Variants in ZFC3H1 observed in about 807,000 individuals in gnomAD.
The protein encoded by ZFC3H1 is zinc finger C3H1 domain-containing protein.
Under a neutral mutation model 243.7 loss-of-function variants are expected in ZFC3H1, and 71 were observed. The observed-to-expected ratio is 0.29, with a 90% CI of 0.24 to 0.36. The LOEUF (loss-of-function observed/expected upper bound fraction) is 0.36, where lower values mean the gene tolerates loss of function less well. Ranked by LOEUF, ZFC3H1 falls within the 10% of genes least tolerant of loss-of-function variation. The pLI is 1.00. For synonymous variants in ZFC3H1, 838 were observed against 813.0 expected (o/e 1.03, Z -0.52); for missense variants, 1,966 against 2,317.1 (o/e 0.85, Z 3.11).
chr12:71,631,754 G>A lies in ZFC3H1; in HGVS notation c.3470+24C>T, dbSNP rs765420224. On this transcript the variant is annotated intron_variant, in intron 16 of 34. Transcript: ENST00000378743. ...ACCAAACAGAAATCCTGAAATTCAA[G>A]CTTATTGAATCTTTCTTTTATACCT... is the stretch of plus-strand genomic sequence containing the variant. The A allele has an allele frequency of 7.8e-6, 12 of 1,528,854 alleles. No individual in the cohort carries two copies. The Admixed American group carries it at 2.4e-4, about 31-fold the overall frequency. The allele number at this position is 1,528,854 out of a possible 1,614,324, so 94.7% of individuals were successfully genotyped here. A position where few individuals can be genotyped will look rare whatever the true frequency, so the allele number is the denominator to read the frequency against.
rs749000095 is a variant in ZFC3H1 at position 71,619,912 on chromosome 12, T to C, written c.5049+14A>G. On this transcript the variant is annotated intron_variant, in intron 26 of 34. Transcript: ENST00000378743. Reference sequence around the variant, plus strand: ...ATAAAAGCATCATATTTAAGAATTATGCATCATTTTTACCTGTAAGATGAA... The same window carrying C: ...ATAAAAGCATCATATTTAAGAATTACGCATCATTTTTACCTGTAAGATGAA... 4 of 1,569,846 alleles carry C rather than the reference T, an allele frequency of 2.5e-6. No homozygotes were observed. Among genetic ancestry groups the C allele is most frequent in the East Asian group, 4.5e-5 (2 of 44,276 alleles).
At chr12:71,661,190 C>A (rs7298678) in intron 1 of ZFC3H1, among the ~76,000 whole-genome samples, 56,777 of 151,264 alleles carry the variant, frequency 0.38, 13,867 homozygotes, top group East Asian at 0.82. Flanking sequence ...GTAGTCCCAG[C>A]TACTCGGGAG....
chr12:71,663,181 A>C lies in ZFC3H1; in HGVS notation c.430T>G (p.Phe144Val). ...WERSHLALDR[F>V]RFRGRPYRGG... ...CGGTAAGGCCTGCCTCGAAAGCGGAAACGGTCCAAGGCGAGGTGGCTCCGC... is the reference window on the plus strand; with the variant it reads ...CGGTAAGGCCTGCCTCGAAAGCGGACACGGTCCAAGGCGAGGTGGCTCCGC... The change falls in exon 1 of 35, where the codon TTC (phenylalanine) becomes GTC (valine). Residue 144 changes from phenylalanine (F) to valine (V), a missense_variant. Transcript: ENST00000378743. The C allele has an allele frequency of 1.2e-6, 2 of 1,614,082 alleles. No individual in the cohort carries two copies. Among genetic ancestry groups the C allele is most frequent in the Non-Finnish European group, 1.7e-6 (2 of 1,180,018 alleles).
At chr12:71,634,921 G>A in intron 10 of ZFC3H1, 96 bp from the exon 11 acceptor site, 1 of 1,340,038 alleles carries the variant, frequency 7.5e-7, no homozygotes, top group Non-Finnish European at 9.9e-7. Context: ...AGTGTATACT[G>A]AATTTATTTA....
At chr12:71,631,711 C>A in intron 16 of ZFC3H1, 67 bp downstream of exon 16, 1 of 1,301,994 alleles carries the variant, frequency 7.7e-7, no homozygotes, top group Non-Finnish European at 1.1e-6. Flanking sequence ...ATCAAATATT[C>A]AAGATAAAAT....
chr12:71,653,695 T>C lies in ZFC3H1; in HGVS notation c.1015+3190A>G, dbSNP rs12307047. ...ATAGATGAGTTTTGAAAATCAACAATGGAAGCCAGAAAATATTGTCAGTAA... is the reference window on the plus strand; with the variant it reads ...ATAGATGAGTTTTGAAAATCAACAACGGAAGCCAGAAAATATTGTCAGTAA... On this transcript the variant is annotated intron_variant, in intron 2 of 34. Coordinates refer to ENST00000378743, the MANE Select transcript of ZFC3H1 (RefSeq NM_144982.5). Among the ~76,000 whole-genome samples the C allele has an allele frequency of 2.1e-3, 319 of 152,316 alleles. 2 individuals carry two copies. Among genetic ancestry groups the C allele is most frequent in the African/African-American group, 7.4e-3 (306 of 41,576 alleles).
At chr12:71,636,320 G>C (rs1311542129) in intron 9 of ZFC3H1, among the ~76,000 whole-genome samples, 170 bp downstream of exon 9, 1 of 152,004 alleles carries the variant, frequency 6.6e-6, no homozygotes, top group Non-Finnish European at 1.5e-5. Context: ...TGAAGGTGTT[G>C]CTCTCATTTT....
chr12:71,629,556 TACACACACACAC>T (rs35067681), intron 19 of ZFC3H1, 41 bp downstream of exon 19: 42 of 691,576 alleles, frequency 6.1e-5, no homozygotes, highest in South Asian at 1.4e-4. Context: ...AGAGATACAG[TACACACACACAC>T]ACACACACAC....
chr12:71,632,769 A>C (rs1358266804), intron 14 of ZFC3H1, 117 bp downstream of exon 14: 2 of 1,436,948 alleles, frequency 1.4e-6, no homozygotes, highest in African/African-American at 1.5e-5. Context: ...ACAAAGCTTT[A>C]ATCTTAATCT....
rs1881249089 is a variant in ZFC3H1 at position 71,663,461 on chromosome 12, T to TAAC, written c.147_149dup (p.Leu50dup). ...GAGGAGGCCTTCGCCGCGGATAGGG[T>TAAC]AACAGCCCGCCGCCGCTGCTGCTGC... On this transcript the variant is annotated inframe_insertion, in exon 1 of 35. Coordinates refer to ENST00000378743, the MANE Select transcript of ZFC3H1 (RefSeq NM_144982.5). 1.2e-6 allele frequency: 2 copies of TAAC among 1,612,480 alleles called. No individual in the cohort carries two copies. The highest frequency in any genetic ancestry group is 1.7e-6 in the Non-Finnish European group (2 of 1,180,014).
At chr12:71,613,770 C>A in intron 30 of ZFC3H1, 1 of 172,966 alleles carries the variant, frequency 5.8e-6, no homozygotes, top group Non-Finnish European at 1.2e-5. Flanking sequence ...CATGGAATGC[C>A]CGTGTGTAAA....
rs747699268 is a variant in ZFC3H1, at chr12:71,638,471, C to T, written c.1672G>A (p.Gly558Arg). Residue 558 changes from glycine to arginine, a missense_variant, in exon 7 of 35, where the codon GGG becomes AGG. Transcript: ENST00000378743. ...QPPFFSECSL[G>R]YFSPAPSLSL... ...AGAGATGGTGCTGGAGAAAAATACCCCAATGAACATTCAGAGAAAAATGGC... is the reference window on the plus strand; with the variant it reads ...AGAGATGGTGCTGGAGAAAAATACCTCAATGAACATTCAGAGAAAAATGGC... 4.3e-6 allele frequency: 7 copies of T among 1,612,390 alleles called. No homozygotes were observed. In the African/African-American group the frequency reaches 6.7e-5, roughly 15 times the overall value.
intron 19 of ZFC3H1, 90 bp from the exon 20 acceptor site, chr12:71,629,127 T>C (rs117513212): frequency 0.01 from 11,556 of 1,104,698 alleles, 80 homozygotes; most frequent in Non-Finnish European, 0.012. Flanking sequence ...TGAGAAGAAC[T>C]ACATTCACTC....
At chr12:71,626,849 A>C (rs769450669) in intron 21 of ZFC3H1, among the ~76,000 whole-genome samples, 4 of 152,224 alleles carry the variant, frequency 2.6e-5, no homozygotes, top group African/African-American at 9.6e-5. Context: ...CAAAGCTTTC[A>C]GTATAATAGT....
At chr12:71,618,186 A>G (rs1172997112) in intron 27 of ZFC3H1, among the ~76,000 whole-genome samples, 4 of 151,868 alleles carry the variant, frequency 2.6e-5, no homozygotes, top group Non-Finnish European at 5.9e-5. Context: ...AATTGCTTGA[A>G]CCTGGGAGAC....
At chr12:71,616,737 G>C (rs1879903148) in intron 27 of ZFC3H1, among the ~76,000 whole-genome samples, 1 of 152,122 alleles carries the variant, frequency 6.6e-6, no homozygotes, top group Non-Finnish European at 1.5e-5. Context: ...AAGTCTTAAT[G>C]AATTAGACGG....
intron 16 of ZFC3H1, 138 bp from the exon 17 acceptor site, chr12:71,631,092 C>G (rs953183612): frequency 4.6e-6 from 4 of 874,654 alleles, no homozygotes; most frequent in South Asian, 3.5e-5. Context: ...TAAATTAATG[C>G]CAAAATTAAT....
At chr12:71,616,435 T>TG (rs1879895904) in intron 27 of ZFC3H1, among the ~76,000 whole-genome samples, 1 of 152,222 alleles carries the variant, frequency 6.6e-6, no homozygotes, top group African/African-American at 2.4e-5. Flanking sequence ...GTAAGGTACC[T>TG]GTCAAAAGAT....
chr12:71,627,622 G>A (rs1486325020), intron 21 of ZFC3H1, 129 bp downstream of exon 21: 2 of 841,374 alleles, frequency 2.4e-6, no homozygotes, highest in Non-Finnish European at 3.6e-6. Flanking sequence ...AATGCTTTTG[G>A]CTTTGTCAAA....
Sources: allele counts gnomAD v4.1 joint callset (sites outside exome capture counted in the v4.1 genomes callset), GRCh38; gene constraint gnomAD v4.1.1; transcripts MANE v1.5; gene names NCBI Gene and HGNC (gene_info 2026-07-23, HGNC 2026-07-21).